The following EARS2 variants were observed in gnomAD, a reference collection of about 807,000 sequenced individuals.
The protein encoded by EARS2 is nondiscriminating glutamyl-tRNA synthetase EARS2, mitochondrial.
In EARS2, 50 loss-of-function variants were observed where a neutral mutation model predicts 54.1. The ratio of observed to expected loss-of-function variants is 0.92; its 90% CI spans 0.74 to 1.17. The LOEUF is 1.17. EARS2 is among the 50% of genes most tolerant of loss of function. The pLI is 0.00. For synonymous variants in EARS2, 298 were observed against 281.0 expected, an observed-to-expected ratio of 1.06 and a Z score of -0.61; for missense variants, 673 against 675.0, an observed-to-expected ratio of 1.00 and a Z score of 0.03.
rs772525749 is a variant in EARS2 at position 23,556,667 on chromosome 16, G to T, written c.139+538C>A. The T allele has an allele frequency of 9.0e-5, 30 of 332,488 alleles. No individual in the cohort carries two copies. In the East Asian group the frequency reaches 1.2e-3, roughly 13 times the overall value. The allele number at this position is 332,488 out of a possible 1,614,324, so 20.6% of individuals were successfully genotyped here. A position where few individuals can be genotyped will look rare whatever the true frequency, so the allele number is the denominator to read the frequency against. ...AGCCACCGCGCCTGGCCTCCAGAAG[G>T]TTCCTTCTATAGGCTTCACATAGCG... On this transcript the variant is annotated intron_variant, in intron 1 of 8. Coordinates refer to ENST00000449606, the MANE Select transcript of EARS2 (RefSeq NM_001083614.2).
chr16:23,539,616 AT>A (rs1965480580), intron 3 of EARS2, among the ~76,000 whole-genome samples: 3 of 152,272 alleles, frequency 2.0e-5, no homozygotes, highest in African/African-American at 7.2e-5. Flanking sequence ...ATACCGTTAA[AT>A]TAGACTAGGA....
At chr16:23,555,380 C>T (rs1009231572) in intron 1 of EARS2, among the ~76,000 whole-genome samples, 4 of 152,094 alleles carry the variant, frequency 2.6e-5, no homozygotes, top group South Asian at 2.1e-4. Flanking sequence ...CCCAGCTACT[C>T]GGGAGGTTGA....
chr16:23,534,836 G>C, intron 4 of EARS2, 52 bp downstream of exon 4: 2 of 1,465,014 alleles, frequency 1.4e-6, no homozygotes, highest in South Asian at 1.4e-5. Context: ...CCAAAGCCCT[G>C]CTCCTCCTGG....
At chr16:23,542,249 C>G (rs1483445111) in intron 3 of EARS2, among the ~76,000 whole-genome samples, 1 of 151,946 alleles carries the variant, frequency 6.6e-6, no homozygotes, top group Non-Finnish European at 1.5e-5. Flanking sequence ...CCACCTCCGC[C>G]CTCCCAAAGT....
At chr16:23,536,600 T>C (rs1268613189) in intron 3 of EARS2, among the ~76,000 whole-genome samples, 1 of 151,134 alleles carries the variant, frequency 6.6e-6, no homozygotes, top group Non-Finnish European at 1.5e-5. Flanking sequence ...AGGTTGAGGC[T>C]GCAGTAAACT....
intron 3 of EARS2, among the ~76,000 whole-genome samples, chr16:23,543,265 T>TA (rs535628139): frequency 2.3e-3 from 338 of 146,308 alleles, no homozygotes; most frequent in African/African-American, 7.5e-3. Context: ...ATGAAAAGTT[T>TA]AAAAAAAAAA....
chr16:23,546,173 C>G (rs973735466), intron 2 of EARS2, among the ~76,000 whole-genome samples: 1 of 152,138 alleles, frequency 6.6e-6, no homozygotes, highest in Non-Finnish European at 1.5e-5. Flanking sequence ...AAGCCAAACC[C>G]CAAACCCAAA....
intron 2 of EARS2, among the ~76,000 whole-genome samples, chr16:23,546,049 G>A (rs1175111453): frequency 4.6e-5 from 7 of 152,180 alleles, no homozygotes; most frequent in Non-Finnish European, 8.8e-5. Flanking sequence ...AGCCTCCTGT[G>A]CAGAGGGAAT....
chr16:23,538,141 C>T (rs1227437533), intron 3 of EARS2, among the ~76,000 whole-genome samples: 3 of 151,324 alleles, frequency 2.0e-5, no homozygotes, highest in Admixed American at 6.6e-5. Context: ...AAAGTCTGAG[C>T]CATACAAAAC....
chr16:23,537,746 G>C (rs1487283259), intron 3 of EARS2, among the ~76,000 whole-genome samples: 1 of 147,994 alleles, frequency 6.8e-6, no homozygotes, highest in Admixed American at 6.7e-5. Context: ...CTAATTTTTT[G>C]TATTTTTAGT....
chr16:23,533,783 C>T (rs904505682), intron 4 of EARS2, among the ~76,000 whole-genome samples: 3 of 151,776 alleles, frequency 2.0e-5, no homozygotes, highest in East Asian at 3.9e-4. Context: ...AGGCCAGGCA[C>T]GGTGGCTCAC....
chr16:23,546,385 C>T, intron 2 of EARS2: 1 of 455,982 alleles, frequency 2.2e-6, no homozygotes, highest in Non-Finnish European at 4.4e-6. Context: ...AACGTACCAG[C>T]CAGCTCAGAG....
In EARS2 at chr16:23,544,555, C is replaced by G. The variant is rs1965569442; in HGVS notation, c.444G>C (p.Glu148Asp). 3 of 1,614,030 alleles carry G rather than the reference C, an allele frequency of 1.9e-6. No homozygotes were observed. Among genetic ancestry groups the G allele is most frequent in the Non-Finnish European group, 1.7e-6 (2 of 1,180,022 alleles). ...TCCGCAAGGCCTCCTTCTTCAGGAG[C>G]TCCAGCCGCTGGGGTGAGCAGAAAC... ...YPCFCSPQRLELLKKEALRNH... is the reference protein window; with the variant it reads ...YPCFCSPQRLDLLKKEALRNH... Residue 148 changes from glutamate (E) to aspartate (D), a missense_variant, in exon 3 of 9, where the codon GAG becomes GAC. By Grantham distance (45) the Glu-to-Asp change is conservative. This residue lies in a region of EARS2 where 316 missense variants were observed against 275.2 expected (regional missense o/e 1.15). Coordinates refer to ENST00000449606, the MANE Select transcript of EARS2 (RefSeq NM_001083614.2).
intron 3 of EARS2, among the ~76,000 whole-genome samples, chr16:23,541,860 A>ATT (rs552062498): frequency 7.1e-6 from 1 of 140,662 alleles, no homozygotes; most frequent in Non-Finnish European, 1.6e-5. Context: ...AGCTCAGCTA[A>ATT]TTTTTTTTTT....
Position 23,530,564 on chromosome 16 carries a change from G to C in EARS2, c.1068-667C>G, listed in dbSNP as rs148706508. On this transcript the variant is annotated intron_variant, in intron 5 of 8. Transcript: ENST00000449606. ...CGCTTCCCAGGTCACCTGCCACTCA[G>C]TCCTGCTGGACCTGGAGAAGCTTTT... Among the ~76,000 whole-genome samples the C allele has an allele frequency of 8.0e-3, 1,222 of 151,830 alleles. 18 individuals are homozygous for C. Among genetic ancestry groups the C allele is most frequent in the African/African-American group, 0.028 (1,152 of 41,402 alleles).
At chr16:23,555,001 G>A (rs762189399) in intron 1 of EARS2, among the ~76,000 whole-genome samples, 14 of 152,104 alleles carry the variant, frequency 9.2e-5, no homozygotes, top group Admixed American at 2.0e-4. Flanking sequence ...TTCCCACATG[G>A]GCTTTCCCCG....
intron 1 of EARS2, 64 bp from the exon 2 acceptor site, chr16:23,552,368 A>G (rs1965711549): frequency 6.5e-7 from 1 of 1,531,272 alleles, no homozygotes; most frequent in South Asian, 1.1e-5. Flanking sequence ...GCAAGGGGCA[A>G]GTAAGCACTA....
chr16:23,539,589 G>T (rs1965480067), intron 3 of EARS2, among the ~76,000 whole-genome samples: 1 of 152,040 alleles, frequency 6.6e-6, no homozygotes, highest in African/African-American at 2.4e-5. Context: ...ACCATGAGAT[G>T]ATGTGTGTAA....
chr16:23,552,892 C>T (rs192145296), intron 1 of EARS2: 325 of 184,398 alleles, frequency 1.8e-3, no homozygotes, highest in African/African-American at 7.4e-3. Context: ...TCCCAAAGTG[C>T]TGGGATTACA....
Sources: gnomAD v4.1 joint callset for allele counts (sites outside exome capture counted in the v4.1 genomes callset) on GRCh38, gnomAD v4.1.1 for gene constraint, gnomAD v4.1.1 regional missense constraint, MANE v1.5 for transcripts, NCBI Gene and HGNC (gene_info 2026-07-23, HGNC 2026-07-21) for gene names.